Variants in CDH2 observed in about 807,000 individuals in gnomAD.
CDH2 encodes cadherin 2.
In CDH2, 17 loss-of-function variants were observed where a neutral mutation model predicts 92.0. That is an observed-to-expected ratio of 0.18 (90% CI 0.13 to 0.28). The LOEUF is 0.28. Among genes scored for constraint, CDH2 ranks in the 10% least tolerant of loss-of-function variants. CDH2 has a pLI of 1.00. For missense variants in CDH2, 862 were observed against 1,133.1 expected (o/e 0.76, Z 3.44); for synonymous variants, 419 against 415.9 (o/e 1.01, Z -0.09).
intron 1 of CDH2, among the ~76,000 whole-genome samples, chr18:28,157,867 A>C (rs1240589278): frequency 6.6e-6 from 1 of 152,190 alleles, no homozygotes; most frequent in Non-Finnish European, 1.5e-5. Context: ...CACACCCCCC[A>C]GCCCAAACTC....
chr18:28,049,493 A>T lies in CDH2; in HGVS notation c.173-35584T>A, dbSNP rs371804428. ...AATTTAGACCGAATAAAGCAGATTG[A>T]TAACACGGGTGGAAAACATCCTCGG... On this transcript the variant is annotated intron_variant, in intron 2 of 15. Coordinates refer to ENST00000269141, the MANE Select transcript of CDH2 (RefSeq NM_001792.5). 5.8e-4 allele frequency among the ~76,000 whole-genome samples: 89 copies of T among 152,352 alleles called. No homozygotes were observed. The South Asian group carries it at 0.018, about 30-fold the overall frequency.
intron 1 of CDH2, among the ~76,000 whole-genome samples, chr18:28,166,915 C>T (rs991572257): frequency 5.9e-5 from 9 of 152,070 alleles, no homozygotes; most frequent in African/African-American, 2.2e-4. Flanking sequence ...ATCTGCATCC[C>T]TCCTGGCAGA....
At chr18:27,968,229 C>T (rs1164642455) in intron 14 of CDH2, among the ~76,000 whole-genome samples, 1 of 152,202 alleles carries the variant, frequency 6.6e-6, no homozygotes, top group African/African-American at 2.4e-5. Context: ...CTATTGATTA[C>T]CACAGCTCAG....
chr18:28,024,510 C>A (rs187235739), intron 2 of CDH2, among the ~76,000 whole-genome samples: 1 of 150,144 alleles, frequency 6.7e-6, no homozygotes, highest in African/African-American at 2.4e-5. Flanking sequence ...ATTTTAAATG[C>A]TTTAAAATAA....
At chr18:27,980,275 A>AG (rs1239083484) in intron 14 of CDH2, among the ~76,000 whole-genome samples, 2 of 152,276 alleles carry the variant, frequency 1.3e-5, no homozygotes, top group East Asian at 1.9e-4. Context: ...CTAGTGTATG[A>AG]GGGGGTAAAC....
intron 1 of CDH2, among the ~76,000 whole-genome samples, chr18:28,156,506 A>G: frequency 7.0e-6 from 1 of 143,076 alleles, no homozygotes; most frequent in Non-Finnish European, 1.5e-5. Flanking sequence ...CTTCCCAGGT[A>G]TAGAATGTCA....
chr18:28,115,821 T>C (rs1212037612), intron 2 of CDH2, among the ~76,000 whole-genome samples: 1 of 152,154 alleles, frequency 6.6e-6, no homozygotes. Flanking sequence ...GTTCTGAATT[T>C]TTCAAACAGC....
chr18:27,945,308 T>C (rs1044295136), intron 6 of CDH2, among the ~76,000 whole-genome samples: 2 of 149,224 alleles, frequency 1.3e-5, no homozygotes, highest in African/African-American at 5.0e-5. Flanking sequence ...CAACTGATAC[T>C]TTCCAGGAAG....
At chr18:28,074,994 T>C (rs2014691941) in intron 2 of CDH2, among the ~76,000 whole-genome samples, 1 of 152,180 alleles carries the variant, frequency 6.6e-6, no homozygotes, top group South Asian at 2.1e-4. Flanking sequence ...AATTAGCCAC[T>C]GTGGGGCAAT....
chr18:28,080,028 G>A (rs1188555158), intron 2 of CDH2, among the ~76,000 whole-genome samples: 1 of 152,128 alleles, frequency 6.6e-6, no homozygotes, highest in Non-Finnish European at 1.5e-5. Flanking sequence ...GAGACCCTGA[G>A]GAGCTTTCAG....
intron 2 of CDH2, among the ~76,000 whole-genome samples, chr18:28,035,891 A>G (rs1251841091): frequency 7.9e-5 from 12 of 152,140 alleles, no homozygotes; most frequent in Admixed American, 7.9e-4. Flanking sequence ...ACACACCTGT[A>G]TCTAAGAATT....
chr18:27,993,509 A>G lies in CDH2; in HGVS notation c.1149T>C (p.Thr383=), dbSNP rs1298885381. The G allele has an allele frequency of 6.2e-7, 1 of 1,613,990 alleles. No individual in the cohort carries two copies. Among genetic ancestry groups the G allele is most frequent in the Non-Finnish European group, 8.5e-7 (1 of 1,179,910 alleles). Residue 383 remains threonine (T), a synonymous_variant, in exon 8 of 16, where the codon ACT becomes ACC. Transcript: ENST00000269141. ...GACAGGCTGTACTCACCGTCATGGC[A>G]GTAAACTCTGGAGGATTGTCATTGA... The part of the protein sequence containing the change: ...TDVNDNPPEF[T]AMTFYGEVPE...
In CDH2 at chr18:28,151,240, TCTCA is replaced by T. The variant is rs765651640; in HGVS notation, c.61-3460_61-3457del. ...TGCCTGAATGTTCTACAACAGTAGC[TCTCA>T]ATCAGGGACAATTTTGCTCCCCAGG... On this transcript the variant is annotated intron_variant, in intron 1 of 15. Transcript: ENST00000269141. 1.2e-3 allele frequency among the ~76,000 whole-genome samples: 182 copies of T among 152,326 alleles called. 2 individuals carry two copies. The highest frequency in any genetic ancestry group is 3.5e-3 in the African/African-American group (145 of 41,580).
intron 15 of CDH2, among the ~76,000 whole-genome samples, chr18:27,955,759 C>CTTTTT (rs1219088194): frequency 3.9e-5 from 1 of 25,942 alleles, no homozygotes; most frequent in African/African-American, 7.9e-5. Flanking sequence ...TTCTTTATTT[C>CTTTTT]TGTTTTTTTT....
At chr18:28,000,090 T>G (rs1213581807) in intron 7 of CDH2, among the ~76,000 whole-genome samples, 4 of 151,994 alleles carry the variant, frequency 2.6e-5, no homozygotes, top group Admixed American at 6.6e-5. Flanking sequence ...CAGTCTCAGG[T>G]ATTTCTTTAT....
intron 2 of CDH2, among the ~76,000 whole-genome samples, chr18:28,090,959 G>T (rs148623389): frequency 6.6e-6 from 1 of 152,200 alleles, no homozygotes; most frequent in Non-Finnish European, 1.5e-5. Context: ...ATCACAAGAG[G>T]ACTGAAAAAG....
chr18:27,953,499 T>TATAAGC (rs1555627339), intron 15 of CDH2, among the ~76,000 whole-genome samples: 1 of 152,062 alleles, frequency 6.6e-6, no homozygotes, highest in Non-Finnish European at 1.5e-5. Context: ...TGGCCTCACC[T>TATAAGC]ATCTAAGATG....
intron 1 of CDH2, among the ~76,000 whole-genome samples, chr18:28,170,244 T>C (rs988638325): frequency 1.3e-5 from 2 of 152,230 alleles, no homozygotes; most frequent in African/African-American, 4.8e-5. Flanking sequence ...TACTGTTTGA[T>C]TGTATATTTC....
At chr18:28,025,214 A>C (rs1417513819) in intron 2 of CDH2, among the ~76,000 whole-genome samples, 1 of 152,100 alleles carries the variant, frequency 6.6e-6, no homozygotes, top group Non-Finnish European at 1.5e-5. Flanking sequence ...AGTCTTATTC[A>C]GAAAAATAAC....
Sources: gnomAD v4.1 joint callset for allele counts (sites outside exome capture counted in the v4.1 genomes callset) on GRCh38, gnomAD v4.1.1 for gene constraint, MANE v1.5 for transcripts, NCBI Gene and HGNC (gene_info 2026-07-23, HGNC 2026-07-21) for gene names.